Variants in C5 observed in about 807,000 individuals in gnomAD.
The protein encoded by C5 is complement C5.
C5 carries 140 observed loss-of-function variants against 218.8 expected under a neutral mutation model. That is an observed-to-expected ratio of 0.64 (90% CI 0.56 to 0.74). C5 has a LOEUF of 0.74. Ranked by LOEUF, C5 falls within the 30% of genes least tolerant of loss-of-function variation. C5 has a pLI of 0.00. For missense variants in C5, 1,700 were observed against 1,969.6 expected (o/e 0.86, Z 2.59); for synonymous variants, 614 against 682.3 (o/e 0.90, Z 1.56).
intron 30 of C5, 69 bp downstream of exon 30, chr9:120,974,710 A>G (rs1224116486): frequency 8.1e-6 from 11 of 1,354,552 alleles, no homozygotes; most frequent in Non-Finnish European, 1.2e-5. Context: ...TTTATAAAAT[A>G]AAGAGTGGAA....
chr9:120,997,526 A>T (rs754110584), intron 21 of C5, 21 bp downstream of exon 21: 5 of 1,518,272 alleles, frequency 3.3e-6, no homozygotes, highest in Non-Finnish European at 4.6e-6. Flanking sequence ...AGCATAAGTT[A>T]TTGAAGCATG....
In C5 at chr9:120,997,547, CA is replaced by C; in HGVS notation, c.2789del (p.Val930GlyfsTer36). ...AGTTATTGAAGCATGTTTTTCTTAC[CA>C]CCACTCGTAATGTTTTTACTAAGAT... ...KEILVKTLRV[V>X]PEGVKRESYS... On this transcript the variant is annotated frameshift_variant and splice_region_variant, in exon 21 of 41. Coordinates refer to ENST00000223642, the MANE Select transcript of C5 (RefSeq NM_001735.3). LOFTEE classifies it high-confidence loss of function. The C allele has an allele frequency of 6.2e-7, 1 of 1,606,042 alleles. No homozygotes were observed. The highest frequency in any genetic ancestry group is 8.5e-7 in the Non-Finnish European group (1 of 1,173,142).
In C5 at chr9:120,976,911, C is replaced by T. The variant is rs201384752; in HGVS notation, c.3659-6G>A. The T allele has an allele frequency of 3.5e-4, 561 of 1,609,146 alleles. 8 individuals are homozygous for T. The highest frequency in any genetic ancestry group is 3.3e-3 in the South Asian group (304 of 90,942). ...ACGATAAATGGGTGGATTACCTGAA[C>T]ATCAACAAATTCCATTCATTAATAT... On this transcript the variant is annotated splice_polypyrimidine_tract_variant and splice_region_variant and intron_variant, in intron 28 of 40. Transcript: ENST00000223642.
At chr9:121,070,446 GTA>G in the C5 span, among the ~76,000 whole-genome samples, 13,301 of 134,710 alleles carry the variant, frequency 0.099, 1,106 homozygotes, top group African/African-American at 0.21. Flanking sequence ...TTCTGTATGT[GTA>G]TATATATATG....
chr9:121,056,723 T>C, the C5 span, among the ~76,000 whole-genome samples: 1 of 151,716 alleles, frequency 6.6e-6, no homozygotes, highest in East Asian at 1.9e-4. Flanking sequence ...GCCTACAAGA[T>C]CTAGAAAATA....
At chr9:121,004,163 C>T (rs1447752298) in intron 20 of C5, among the ~76,000 whole-genome samples, 3 of 152,094 alleles carry the variant, frequency 2.0e-5, no homozygotes, top group Non-Finnish European at 4.4e-5. Flanking sequence ...GCCACCGCTC[C>T]TGGCCGAGAA....
chr9:121,015,233 T>C lies in C5; in HGVS notation c.2025A>G (p.Pro675=), dbSNP rs1298995825. The change falls in exon 16 of 41, where the codon CCA becomes CCG. Residue 675 remains proline (P), a synonymous_variant. Coordinates refer to ENST00000223642, the MANE Select transcript of C5 (RefSeq NM_001735.3). The stretch of plus-strand genomic sequence containing the variant: ...CTATCTTCTTTTGCAGCGTTCTTCT[T>C]GGCCTGAGAATTTCTTTACAAGGTT... ...NDEPCKEILR[P]RRTLQKKIEE... The C allele has an allele frequency of 6.2e-7, 1 of 1,607,684 alleles. No individual in the cohort carries two copies. The highest frequency in any genetic ancestry group is 1.7e-5 in the Admixed American group (1 of 59,974).
chr9:121,048,081 C>G (rs977934048), intron 1 of C5, among the ~76,000 whole-genome samples: 5 of 152,124 alleles, frequency 3.3e-5, no homozygotes, highest in Admixed American at 3.3e-4. Flanking sequence ...CGAACCTGAG[C>G]AGCCCGTTTC....
intron 28 of C5, among the ~76,000 whole-genome samples, chr9:120,978,379 G>C (rs1245576029): frequency 6.6e-6 from 1 of 152,114 alleles, no homozygotes; most frequent in Non-Finnish European, 1.5e-5. Flanking sequence ...CAGAGTCTCA[G>C]ATTTGCTGTA....
the C5 span, among the ~76,000 whole-genome samples, chr9:121,056,547 TA>T: frequency 6.6e-6 from 1 of 152,128 alleles, no homozygotes; most frequent in Admixed American, 6.5e-5. Flanking sequence ...AAATTTCTTT[TA>T]AAAAATCTTG....
At chr9:120,971,821 G>A (rs1232736197) in intron 31 of C5, 109 bp downstream of exon 31, 3 of 792,368 alleles carry the variant, frequency 3.8e-6, no homozygotes, top group Non-Finnish European at 6.6e-6. Context: ...CTTTAGTCAT[G>A]GTTACCCAAG....
chr9:121,033,555 A>C (rs1211097588), intron 5 of C5, among the ~76,000 whole-genome samples: 2 of 152,272 alleles, frequency 1.3e-5, no homozygotes, highest in African/African-American at 4.8e-5. Context: ...CATGGCTAGC[A>C]CATAATTTGC....
intron 38 of C5, among the ~76,000 whole-genome samples, chr9:120,958,128 T>C (rs981994047): frequency 4.6e-5 from 7 of 152,312 alleles, no homozygotes; most frequent in African/African-American, 1.4e-4. Flanking sequence ...ATCCCAGATA[T>C]AGATTGACTG....
At chr9:120,982,332 A>G (rs763104142) in intron 26 of C5, among the ~76,000 whole-genome samples, 5 of 151,730 alleles carry the variant, frequency 3.3e-5, no homozygotes, top group African/African-American at 7.3e-5. Context: ...TTTAAGCCTT[A>G]TCTCCCACTC....
intron 20 of C5, among the ~76,000 whole-genome samples, chr9:121,001,520 G>A (rs1325698924): frequency 2.0e-5 from 3 of 151,764 alleles, no homozygotes; most frequent in South Asian, 4.2e-4. Context: ...TATATAGCGC[G>A]GTCTTTCATG....
chr9:120,956,838 A>G (rs572056266), intron 39 of C5: 2 of 228,664 alleles, frequency 8.7e-6, no homozygotes, highest in South Asian at 1.3e-4. Flanking sequence ...GTGAGTACAC[A>G]TGGACACAAA....
intron 1 of C5, among the ~76,000 whole-genome samples, chr9:121,049,844 A>G (rs1413289525): frequency 6.6e-6 from 1 of 152,238 alleles, no homozygotes; most frequent in Non-Finnish European, 1.5e-5. Context: ...TGTATAGTCT[A>G]TGAAAAACAC....
At chr9:120,955,787 T>G (rs1170772417) in intron 39 of C5, among the ~76,000 whole-genome samples, 1 of 152,062 alleles carries the variant, frequency 6.6e-6, no homozygotes, top group Admixed American at 6.5e-5. Flanking sequence ...GTATGGTTAG[T>G]AATAATCAAG....
At chr9:121,043,352 TA>T (rs1427646065) in intron 2 of C5, among the ~76,000 whole-genome samples, 186 bp from the exon 3 acceptor site, 1 of 152,202 alleles carries the variant, frequency 6.6e-6, no homozygotes, top group Non-Finnish European at 1.5e-5. Context: ...AATTACATAA[TA>T]AAAATTTAGC....
Sources: allele counts gnomAD v4.1 joint callset (sites outside exome capture counted in the v4.1 genomes callset), GRCh38; gene constraint gnomAD v4.1.1; transcripts MANE v1.5; gene names NCBI Gene and HGNC (gene_info 2026-07-23, HGNC 2026-07-21).